ANK2: variants seen among roughly 807,000 people sequenced by gnomAD.
The protein encoded by ANK2 is ankyrin-2.
Under a neutral mutation model 360.5 loss-of-function variants are expected in ANK2, and 83 were observed. That is an observed-to-expected ratio of 0.23 (90% confidence interval 0.19 to 0.28). The LOEUF is 0.28. Ranked by LOEUF, ANK2 falls within the 10% of genes least tolerant of loss-of-function variation. The pLI is 1.00. For missense variants in ANK2, 4,201 were observed against 4,795.7 expected (o/e 0.88, Z 3.66); for synonymous variants, 1,740 against 1,759.5 (o/e 0.99, Z 0.28).
Position 113,311,379 on chromosome 4 carries a change from G to A in ANK2, c.2673G>A (p.Leu891=). The A allele has an allele frequency of 1.9e-6, 3 of 1,614,122 alleles. No homozygotes were observed. The highest frequency in any genetic ancestry group is 1.1e-5 in the South Asian group (1 of 91,076). The change falls in exon 24 of 46, where the codon TTG becomes TTA. Residue 891 remains leucine, a synonymous_variant. Coordinates refer to ENST00000357077, the MANE Select transcript of ANK2 (RefSeq NM_001148.6). ...GTATGAATTACCTGCGATACAGCTT[G>A]GAGGGAGGACGATCTGACAGGTATC... ...LDGMNYLRYS[L]EGGRSDSLRS... is the part of the protein sequence containing the mutation.
chr4:112,813,252 A>AAG (rs397695015), upstream of ANK2, among the ~76,000 whole-genome samples: 1 of 149,698 alleles, frequency 6.7e-6, no homozygotes, highest in Non-Finnish European at 1.5e-5. Context: ...AAAAAAAAAA[A>AAG]TCAAAAAAAA....
chr4:112,899,630 TC>T (rs1394761019), intron 1 of ANK2, among the ~76,000 whole-genome samples: 2 of 152,214 alleles, frequency 1.3e-5, no homozygotes, highest in African/African-American at 4.8e-5. Context: ...ATTTCTAATA[TC>T]CATCACATCT....
chr4:113,177,594 T>C (rs1562647239), intron 2 of ANK2, among the ~76,000 whole-genome samples: 1 of 152,204 alleles, frequency 6.6e-6, no homozygotes, highest in Non-Finnish European at 1.5e-5. Context: ...ACATTAATTG[T>C]ATGAAAGGTC....
intron 26 of ANK2, among the ~76,000 whole-genome samples, chr4:113,323,095 T>C (rs1273456059): frequency 6.6e-6 from 1 of 152,108 alleles, no homozygotes; most frequent in Non-Finnish European, 1.5e-5. Flanking sequence ...AAGAGCAGAC[T>C]CATAGGTAGA....
At position 113,282,860 on chromosome 4, in the gene ANK2, C is replaced by T. The variant is rs772480764; in HGVS notation, c.2067C>T (p.His689=). The change falls in exon 18 of 46, where the codon CAC becomes CAT. Residue 689 remains histidine, a synonymous_variant. Coordinates refer to ENST00000357077, the MANE Select transcript of ANK2 (RefSeq NM_001148.6). ...TTCTGGATAAGGGAGCCAATATCCA[C>T]ATGTCAACTAAGGTATTCTGTCCTT... is the stretch of plus-strand genomic sequence containing the variant. ...TLLLDKGANI[H]MSTKSGLTSL... is the part of the protein sequence containing the mutation. 4.3e-6 allele frequency: 7 copies of T among 1,613,812 alleles called. No homozygotes were observed. The highest frequency in any genetic ancestry group is 5.9e-6 in the Non-Finnish European group (7 of 1,179,914).
At chr4:112,822,167 C>A (rs2057247171) in intron 1 of ANK2, among the ~76,000 whole-genome samples, 1 of 150,346 alleles carries the variant, frequency 6.7e-6, no homozygotes, top group African/African-American at 2.5e-5. Context: ...CTTTGGGAAG[C>A]CAAGGCGAGA....
chr4:113,008,924 T>C (rs1210802872), intron 2 of ANK2, among the ~76,000 whole-genome samples: 3 of 152,082 alleles, frequency 2.0e-5, no homozygotes, highest in Non-Finnish European at 1.5e-5. Context: ...AGCAGGGAGA[T>C]AAAGCAAAAA....
chr4:113,247,170 A>C (rs2043379908), intron 9 of ANK2, among the ~76,000 whole-genome samples: 1 of 151,858 alleles, frequency 6.6e-6, no homozygotes, highest in Non-Finnish European at 1.5e-5. Context: ...AGAAAAAAAA[A>C]AAAACAACAA....
chr4:113,156,797 T>TTA (rs1319917525), intron 1 of ANK2, among the ~76,000 whole-genome samples: 1 of 149,616 alleles, frequency 6.7e-6, no homozygotes, highest in Non-Finnish European at 1.5e-5. Context: ...TATATATATA[T>TTA]TATATATATA....
intron 2 of ANK2, among the ~76,000 whole-genome samples, chr4:112,962,866 C>T (rs2035525075): frequency 6.6e-6 from 1 of 152,124 alleles, no homozygotes; most frequent in Non-Finnish European, 1.5e-5. Flanking sequence ...TGGAGCCATT[C>T]AGCTGTATAA....
At chr4:113,244,939 A>G (rs1357051097) in intron 9 of ANK2, among the ~76,000 whole-genome samples, 1 of 152,194 alleles carries the variant, frequency 6.6e-6, no homozygotes, top group African/African-American at 2.4e-5. Flanking sequence ...TGCAAAGGAC[A>G]TGAACTCATC....
intron 1 of ANK2, among the ~76,000 whole-genome samples, chr4:112,842,004 C>T (rs2062189993): frequency 6.6e-6 from 1 of 151,942 alleles, no homozygotes; most frequent in Non-Finnish European, 1.5e-5. Context: ...AAATTATTTT[C>T]TTTTTCTTTT....
intron 2 of ANK2, among the ~76,000 whole-genome samples, chr4:112,974,605 TTTA>T (rs1262999017): frequency 6.6e-6 from 1 of 152,228 alleles, no homozygotes; most frequent in Admixed American, 6.5e-5. Flanking sequence ...GCATTCAGAA[TTTA>T]TTAAGTGCTT....
At chr4:112,712,043 C>T in the ANK2 span, among the ~76,000 whole-genome samples, 1 of 148,934 alleles carries the variant, frequency 6.7e-6, no homozygotes, top group South Asian at 2.1e-4. Context: ...CATACATACA[C>T]ACACACACAC....
At chr4:113,196,150 T>G (rs1424373667) in intron 2 of ANK2, among the ~76,000 whole-genome samples, 1 of 152,186 alleles carries the variant, frequency 6.6e-6, no homozygotes, top group Non-Finnish European at 1.5e-5. Context: ...GTTGCCAAAA[T>G]CCATGTTTCT....
chr4:113,054,734 C>T (rs1267539724), intron 1 of ANK2, among the ~76,000 whole-genome samples: 1 of 152,070 alleles, frequency 6.6e-6, no homozygotes, highest in Admixed American at 6.6e-5. Context: ...CAGTAATTCC[C>T]CATCACTGAA....
At chr4:112,761,804 T>G in the ANK2 span, among the ~76,000 whole-genome samples, 1 of 152,210 alleles carries the variant, frequency 6.6e-6, no homozygotes, top group African/African-American at 2.4e-5. Flanking sequence ...TATTTTTTCA[T>G]GCAATTGCCT....
chr4:113,069,063 G>T (rs2076622261), intron 1 of ANK2, among the ~76,000 whole-genome samples: 1 of 150,692 alleles, frequency 6.6e-6, no homozygotes, highest in African/African-American at 2.5e-5. Context: ...CTAATGAAAA[G>T]AAAAGAAAAG....
At chr4:112,716,788 A>T in the ANK2 span, among the ~76,000 whole-genome samples, 1 of 152,188 alleles carries the variant, frequency 6.6e-6, no homozygotes, top group Admixed American at 6.5e-5. Context: ...GAAGTTATAC[A>T]AGAATGTGGT....
Sources: allele counts gnomAD v4.1 joint callset (sites outside exome capture counted in the v4.1 genomes callset), GRCh38; gene constraint gnomAD v4.1.1; transcripts MANE v1.5; gene names NCBI Gene and HGNC (gene_info 2026-07-23, HGNC 2026-07-21).